WFDC10B: variants seen among roughly 807,000 people sequenced by gnomAD.
WFDC10B encodes protein WFDC10B.
In WFDC10B, 1 loss-of-function variant was observed where a neutral mutation model predicts 2.7. The observed-to-expected ratio is 0.38, with a 90% CI of 0.13 to 1.79. The LOEUF (loss-of-function observed/expected upper bound fraction) is 1.79, where lower values mean the gene tolerates loss of function less well. WFDC10B is among the 40% of genes most tolerant of loss of function. WFDC10B has a pLI of 0.33. For missense variants in WFDC10B, 71 were observed against 87.8 expected (o/e 0.81, Z 0.76); for synonymous variants, 26 against 32.2 (o/e 0.81, Z 0.65).
rs534495288 is a variant in WFDC10B, at chr20:45,692,165, CCA to C, written c.-64-6111_-64-6110del. On this transcript the variant is annotated intron_variant, in intron 2 of 3. Coordinates refer to ENST00000330523, the MANE Select transcript of WFDC10B (RefSeq NM_172006.2). Reference sequence around the variant, plus strand: ...CTTTAAGGATGTTGAATATTGGTCCCCACTCTCTTCTGGCTTGTAGAGTTTCT... The same window carrying C: ...CTTTAAGGATGTTGAATATTGGTCCCCTCTCTTCTGGCTTGTAGAGTTTCT... Among the ~76,000 whole-genome samples the C allele has an allele frequency of 5.5e-3, 838 of 152,228 alleles. 6 individuals carry two copies. Among genetic ancestry groups the C allele is most frequent in the African/African-American group, 0.019 (805 of 41,520 alleles).
intron 3 of WFDC10B, 21 bp downstream of exon 3, chr20:45,685,881 A>T: frequency 6.2e-7 from 1 of 1,612,918 alleles, no homozygotes; most frequent in South Asian, 1.1e-5. Context: ...TCCATCACCC[A>T]TCCAGCAGCC....
chr20:45,692,200 G>C (rs537110018), intron 2 of WFDC10B, among the ~76,000 whole-genome samples: 35 of 152,146 alleles, frequency 2.3e-4, no homozygotes, highest in Non-Finnish European at 4.9e-4. Context: ...TCTGCCGAGA[G>C]ATCCACTGTT....
At chr20:45,689,032 G>A (rs1303923096) in intron 2 of WFDC10B, among the ~76,000 whole-genome samples, 2 of 150,092 alleles carry the variant, frequency 1.3e-5, no homozygotes, top group Non-Finnish European at 3.0e-5. Flanking sequence ...GTGTAAGGAA[G>A]GGATCCAGTT....
chr20:45,686,177 T>G, intron 2 of WFDC10B, 121 bp from the exon 3 acceptor site: 1 of 1,220,710 alleles, frequency 8.2e-7, no homozygotes, highest in Non-Finnish European at 1.1e-6. Flanking sequence ...GGCCCTGTCC[T>G]TCTCCATGTA....
chr20:45,694,215 G>A (rs919916441), intron 2 of WFDC10B, among the ~76,000 whole-genome samples: 4 of 152,178 alleles, frequency 2.6e-5, no homozygotes, highest in African/African-American at 9.7e-5. Flanking sequence ...CAATGCCTAT[G>A]TCCTGAATGG....
At chr20:45,700,256 G>A (rs73908187) in intron 2 of WFDC10B, among the ~76,000 whole-genome samples, 2,628 of 152,166 alleles carry the variant, frequency 0.017, 71 homozygotes, top group African/African-American at 0.061. Flanking sequence ...GGGTATATTC[G>A]TGCAAGAAAA....
In WFDC10B at chr20:45,685,963, C is replaced by G. The variant is rs140646611; in HGVS notation, c.30G>C (p.Leu10=). 2.4e-5 allele frequency: 38 copies of G among 1,614,018 alleles called. No individual in the cohort carries two copies. Among genetic ancestry groups the G allele is most frequent in the South Asian group, 4.4e-5 (4 of 91,058 alleles). Residue 10 remains leucine, a synonymous_variant, in exon 3 of 4, where the codon CTG becomes CTC. Transcript: ENST00000330523. ...CCTGCAGCAGCAGCACACAGAGAAC[C>G]AGGACAAGCAGCAGAGTCTGGGGTG... MAPQTLLLV[L]VLCVLLLQAQ...
chr20:45,693,623 C>T (rs1054280529), intron 2 of WFDC10B, among the ~76,000 whole-genome samples: 5 of 152,298 alleles, frequency 3.3e-5, no homozygotes, highest in African/African-American at 9.6e-5. Context: ...GGCATAGGAC[C>T]CTCCGAGCCA....
At chr20:45,687,674 T>C (rs1050847826) in intron 2 of WFDC10B, among the ~76,000 whole-genome samples, 1 of 152,154 alleles carries the variant, frequency 6.6e-6, no homozygotes, top group Admixed American at 6.5e-5. Context: ...ACAGCATCTG[T>C]AGTTTCTTGA....
intron 2 of WFDC10B, among the ~76,000 whole-genome samples, chr20:45,697,549 GCCATGTTGC>G (rs1255215026): frequency 6.6e-6 from 1 of 151,506 alleles, no homozygotes; most frequent in East Asian, 1.9e-4. Context: ...ACAGGGTTTT[GCCATGTTGC>G]CCAGGCTGAT....
intron 2 of WFDC10B, among the ~76,000 whole-genome samples, chr20:45,698,966 TAA>T (rs113263985): frequency 1.4e-3 from 171 of 122,394 alleles, no homozygotes; most frequent in Middle Eastern, 4.0e-3. Context: ...AGAATCCATC[TAA>T]AAAAAAAAAA....
In WFDC10B at chr20:45,690,728, CTTT is replaced by C. The variant is rs1983785934; in HGVS notation, c.-64-4675_-64-4673del. Among the ~76,000 whole-genome samples the C allele has an allele frequency of 2.7e-5, 4 of 148,920 alleles. No homozygotes were observed. In the South Asian group the frequency reaches 8.3e-4, roughly 31 times the overall value. On this transcript the variant is annotated intron_variant, in intron 2 of 3. Transcript: ENST00000330523. ...TATTGCATCTATTTGATTCTTCTCT[CTTT>C]TTTTATTAGTCTTGCTAGTGGTCTA...
chr20:45,686,758 G>A (rs1172017683), intron 2 of WFDC10B, among the ~76,000 whole-genome samples: 1 of 151,766 alleles, frequency 6.6e-6, no homozygotes, highest in African/African-American at 2.4e-5. Context: ...CACCTTCCAG[G>A]TTCAAGCAAT....
At chr20:45,686,842 G>A (rs1983637215) in intron 2 of WFDC10B, among the ~76,000 whole-genome samples, 1 of 151,958 alleles carries the variant, frequency 6.6e-6, no homozygotes, top group Admixed American at 6.6e-5. Context: ...TGTATTTTTA[G>A]TAGAGATGGG....
chr20:45,698,457 G>A (rs571343092), intron 2 of WFDC10B, among the ~76,000 whole-genome samples: 4 of 151,910 alleles, frequency 2.6e-5, no homozygotes, highest in Admixed American at 2.6e-4. Context: ...AAATTTTTGT[G>A]CCTCAAATGA....
intron 2 of WFDC10B, 97 bp from the exon 3 acceptor site, chr20:45,686,153 C>G (rs1983610310): frequency 9.3e-6 from 13 of 1,399,826 alleles, no homozygotes; most frequent in Non-Finnish European, 1.1e-5. Context: ...TGCTTCCTGC[C>G]CTTGCCTTCT....
intron 2 of WFDC10B, among the ~76,000 whole-genome samples, chr20:45,686,541 G>A (rs200588404): frequency 2.3e-5 from 3 of 128,602 alleles, no homozygotes; most frequent in African/African-American, 7.2e-5. Flanking sequence ...AATTTTTTTG[G>A]GGGGGGGCGG....
intron 2 of WFDC10B, among the ~76,000 whole-genome samples, chr20:45,696,588 G>A (rs576847607): frequency 6.6e-6 from 1 of 151,634 alleles, no homozygotes; most frequent in Non-Finnish European, 1.5e-5. Flanking sequence ...CAACCTTACA[G>A]AACTAAAAAA....
At chr20:45,687,757 G>A (rs546347808) in intron 2 of WFDC10B, among the ~76,000 whole-genome samples, 2 of 152,046 alleles carry the variant, frequency 1.3e-5, no homozygotes, top group African/African-American at 4.8e-5. Context: ...TTACTCTGAT[G>A]TTCAGCTTTT....
Sources: gnomAD v4.1 joint callset for allele counts (sites outside exome capture counted in the v4.1 genomes callset) on GRCh38, gnomAD v4.1.1 for gene constraint, MANE v1.5 for transcripts, NCBI Gene and HGNC (gene_info 2026-07-23, HGNC 2026-07-21) for gene names.